PCNX1: variants seen among roughly 807,000 people sequenced by gnomAD.
PCNX1 encodes the protein pecanex 1.
A neutral mutation model predicts 242.2 loss-of-function variants in PCNX1; 78 were observed. The ratio of observed to expected loss-of-function variants is 0.32; its 90% CI spans 0.27 to 0.39. The LOEUF is 0.39. Ranked by LOEUF, PCNX1 falls within the 10% of genes least tolerant of loss-of-function variation. The probability of loss-of-function intolerance (pLI) is 1.00; values close to 1 mark genes in which losing one functional copy is unlikely to be tolerated. For synonymous variants in PCNX1, 1,024 were observed against 1,032.9 expected, an observed-to-expected ratio of 0.99 and a Z score of 0.17; for missense variants, 2,581 against 2,856.5, an observed-to-expected ratio of 0.90 and a Z score of 2.20.
chr14:71,024,671 G>A (rs1404350120), intron 13 of PCNX1, among the ~76,000 whole-genome samples: 2 of 152,152 alleles, frequency 1.3e-5, no homozygotes, highest in Non-Finnish European at 2.9e-5. Context: ...TTCTGGTTAA[G>A]GGTATTGTCT....
At position 71,049,447 on chromosome 14, in the gene PCNX1, AAAATT is replaced by A. The variant is rs1430666928; in HGVS notation, c.4339-1200_4339-1196del. Among the ~76,000 whole-genome samples, 3 of 152,198 alleles carry A rather than the reference AAAATT, an allele frequency of 2.0e-5. No individual in the cohort carries two copies. The South Asian group carries it at 6.2e-4, about 32-fold the overall frequency. On this transcript the variant is annotated intron_variant, in intron 22 of 35. Transcript: ENST00000304743. ...TCATGGATTTAATAACCTTTTAAGA[AAAATT>A]AAATGTATACAGAAATCCCTTTGCC...
intron 15 of PCNX1, among the ~76,000 whole-genome samples, chr14:71,027,622 A>G (rs1334271296): frequency 6.6e-6 from 1 of 151,892 alleles, no homozygotes; most frequent in Non-Finnish European, 1.5e-5. Flanking sequence ...CACGTTTCAC[A>G]TTTTCAGGCC....
chr14:70,974,183 C>G (rs775511073), intron 5 of PCNX1, among the ~76,000 whole-genome samples: 1 of 149,830 alleles, frequency 6.7e-6, no homozygotes, highest in Non-Finnish European at 1.5e-5. Flanking sequence ...TAAAAATATA[C>G]GCCCATATAC....
intron 8 of PCNX1, among the ~76,000 whole-genome samples, chr14:71,002,071 A>G (rs2059521307): frequency 6.6e-6 from 1 of 152,218 alleles, no homozygotes; most frequent in Non-Finnish European, 1.5e-5. Flanking sequence ...GTCTCTAACT[A>G]GGTGGACAGA....
Position 71,112,749 on chromosome 14 carries a change from A to G in PCNX1, c.*2814A>G, listed in dbSNP as rs2062777594. ...TAAATTTGCCAATGCTTTAATTTCC[A>G]TAATTTGAAAGTTAAAAGATGTAAC... is the stretch of plus-strand genomic sequence containing the variant. On this transcript the variant is annotated 3_prime_UTR_variant, in exon 36 of 36. Coordinates refer to ENST00000304743, the MANE Select transcript of PCNX1 (RefSeq NM_014982.3). 1.3e-5 allele frequency: 2 copies of G among 152,256 alleles called. No individual in the cohort carries two copies. The highest frequency in any genetic ancestry group is 4.1e-4 in the South Asian group (2 of 4,830). The allele number at this position is 152,256 out of a possible 1,614,324, so 9.4% of individuals were successfully genotyped here. A position where few individuals can be genotyped will look rare whatever the true frequency, so the allele number is the denominator to read the frequency against.
chr14:71,090,621 A>G (rs1239526999), intron 30 of PCNX1, among the ~76,000 whole-genome samples: 1 of 152,248 alleles, frequency 6.6e-6, no homozygotes, highest in Non-Finnish European at 1.5e-5. Flanking sequence ...GAGTTTTGAG[A>G]CAAAATTCAG....
intron 20 of PCNX1, among the ~76,000 whole-genome samples, chr14:71,045,852 A>T (rs1400572342): frequency 6.6e-6 from 1 of 152,186 alleles, no homozygotes; most frequent in East Asian, 1.9e-4. Flanking sequence ...AGGCTAGTTC[A>T]CTTGCCAAGC....
chr14:71,014,103 C>T (rs1423125466), intron 11 of PCNX1, among the ~76,000 whole-genome samples: 1 of 152,168 alleles, frequency 6.6e-6, no homozygotes, highest in Non-Finnish European at 1.5e-5. Context: ...GGGAATAGTA[C>T]ATGTCCCTAC....
chr14:71,005,537 A>G (rs1453238395), intron 8 of PCNX1, among the ~76,000 whole-genome samples: 3 of 151,738 alleles, frequency 2.0e-5, no homozygotes, highest in African/African-American at 7.3e-5. Context: ...GGGGAATGCA[A>G]TTGGAGTTTC....
At chr14:70,937,394 C>G (rs958323841) in intron 1 of PCNX1, among the ~76,000 whole-genome samples, 1 of 152,158 alleles carries the variant, frequency 6.6e-6, no homozygotes, top group Non-Finnish European at 1.5e-5. Flanking sequence ...ATAGGGAATC[C>G]TTTCCCCATT....
In PCNX1 at chr14:71,098,916, A is replaced by G. The variant is rs28867199; in HGVS notation, c.5590-3074A>G. On this transcript the variant is annotated intron_variant, in intron 30 of 35. Coordinates refer to ENST00000304743, the MANE Select transcript of PCNX1 (RefSeq NM_014982.3). ...GGATGCTTCCAGCTTTTCCCCATTC[A>G]GTATGAGGGCTGTGGGTTTGTCATA... Among the ~76,000 whole-genome samples, 1,300 of 152,216 alleles carry G rather than the reference A, an allele frequency of 8.5e-3. 12 individuals carry two copies. Among genetic ancestry groups the G allele is most frequent in the African/African-American group, 0.03 (1,225 of 41,510 alleles).
intron 6 of PCNX1, among the ~76,000 whole-genome samples, chr14:70,981,152 T>A (rs1467229575): frequency 1.3e-5 from 2 of 152,158 alleles, no homozygotes; most frequent in African/African-American, 4.8e-5. Flanking sequence ...GATTATAGTA[T>A]CTATCTCATA....
chr14:71,071,637 C>T (rs1413476620), intron 26 of PCNX1, among the ~76,000 whole-genome samples: 2 of 152,138 alleles, frequency 1.3e-5, no homozygotes, highest in East Asian at 1.9e-4. Flanking sequence ...TTTCCTGAGG[C>T]CTACCCAGCC....
intron 3 of PCNX1, among the ~76,000 whole-genome samples, chr14:70,964,533 C>G (rs762160030): frequency 1.3e-5 from 2 of 152,090 alleles, no homozygotes; most frequent in African/African-American, 4.8e-5. Flanking sequence ...TTAATTAACC[C>G]TGGGCTTTCT....
At chr14:71,010,982 A>AG (rs1459878942) in intron 9 of PCNX1, among the ~76,000 whole-genome samples, 2 of 152,100 alleles carry the variant, frequency 1.3e-5, no homozygotes, top group Non-Finnish European at 2.9e-5. Flanking sequence ...AAACAGTAGG[A>AG]GGAGGGAGGG....
At chr14:71,085,193 A>G (rs184770692) in intron 28 of PCNX1, among the ~76,000 whole-genome samples, 161 of 152,216 alleles carry the variant, frequency 1.1e-3, no homozygotes, top group Non-Finnish European at 1.6e-3. Flanking sequence ...ACCAGTCCCA[A>G]TGCGATGAGC....
At chr14:71,085,540 G>A (rs559504564) in intron 28 of PCNX1, 10 of 153,372 alleles carry the variant, frequency 6.5e-5, no homozygotes, top group East Asian at 5.8e-4. Context: ...GTGGAGGGGG[G>A]ACCCCAGCTG....
At chr14:71,009,818 G>T in intron 9 of PCNX1, 94 bp downstream of exon 9, 4 of 601,318 alleles carry the variant, frequency 6.7e-6, no homozygotes, top group South Asian at 4.1e-5. Flanking sequence ...TAATTTTTTT[G>T]TTTTTTATAA....
At chr14:71,006,847 G>A (rs1210351507) in intron 8 of PCNX1, among the ~76,000 whole-genome samples, 2 of 152,018 alleles carry the variant, frequency 1.3e-5, no homozygotes, top group Non-Finnish European at 1.5e-5. Flanking sequence ...GTAAAATTTG[G>A]TACTTCTAAA....
Sources: gnomAD v4.1 joint callset for allele counts (sites outside exome capture counted in the v4.1 genomes callset) on GRCh38, gnomAD v4.1.1 for gene constraint, MANE v1.5 for transcripts, NCBI Gene and HGNC (gene_info 2026-07-23, HGNC 2026-07-21) for gene names.